GPT: variants seen among roughly 807,000 people sequenced by gnomAD.
GPT encodes glutamic--pyruvic transaminase.
Under a neutral mutation model 51.4 loss-of-function variants are expected in GPT, and 60 were observed. That is an observed-to-expected ratio of 1.17 (90% CI 0.95 to 1.45). The LOEUF is 1.45. GPT is among the 40% of genes most tolerant of loss of function. The pLI is 0.00. For missense variants in GPT, 853 were observed against 704.0 expected (o/e 1.21, Z -2.40); for synonymous variants, 397 against 303.1 (o/e 1.31, Z -3.22).
In GPT at chr8:144,506,870, C is replaced by T. The variant is rs759784022; in HGVS notation, c.1400+27C>T. The T allele has an allele frequency of 1.8e-5, 29 of 1,611,806 alleles. 2 individuals carry two copies. The South Asian group carries it at 2.9e-4, about 16-fold the overall frequency. On this transcript the variant is annotated intron_variant, in intron 10 of 10. Transcript: ENST00000394955. The surrounding 1 kb of genome is among the most constrained non-coding windows in gnomAD (Gnocchi z 7.0). ...TGAGGCCTGGCCCTCACTCCCTGTC[C>T]CGCCACCCTGGCCCTTCACTCACTG...
At chr8:144,503,545 C>G (rs1826638221), upstream of GPT, among the ~76,000 whole-genome samples, 1 of 152,104 alleles carries the variant, frequency 6.6e-6, no homozygotes. Context: ...AGCCCCCTCC[C>G]CCAGCCCCTC....
In GPT at chr8:144,506,888, A is replaced by C; in HGVS notation, c.1401-22A>C. 1 of 1,612,166 alleles carries C rather than the reference A, an allele frequency of 6.2e-7. No homozygotes were observed. Among genetic ancestry groups the C allele is most frequent in the Non-Finnish European group, 8.5e-7 (1 of 1,179,354 alleles). ...CCCTGTCCCGCCACCCTGGCCCTTC[A>C]CTCACTGTCAACTCCTTTCAGGATG... On this transcript the variant is annotated intron_variant, in intron 10 of 10. Transcript: ENST00000394955. The surrounding 1 kb of genome is among the most constrained non-coding windows in gnomAD (Gnocchi z 7.0).
rs1404091995 is a variant in GPT, at chr8:144,505,035, G to A, written c.399G>A (p.Arg133=). The A allele has an allele frequency of 1.2e-6, 2 of 1,613,164 alleles. No homozygotes were observed. The highest frequency in any genetic ancestry group is 1.7e-6 in the Non-Finnish European group (2 of 1,180,004). The change falls in exon 4 of 11, where the codon CGG becomes CGA. Residue 133 remains arginine, a synonymous_variant. Transcript: ENST00000394955. ...YSVSSGIQLI[R]EDVARYIERR... is the part of the protein sequence containing the mutation. ...TCAGCTCCGGCATCCAGCTGATCCG[G>A]GAGGACGTGGCGCGGTACATTGAGA...
Position 144,506,696 on chromosome 8 carries a change from C to A in GPT, c.1288-35C>A. On this transcript the variant is annotated intron_variant, in intron 9 of 10. Coordinates refer to ENST00000394955, the MANE Select transcript of GPT (RefSeq NM_005309.3). This position sits in a 1 kb window ranked among gnomAD's most constrained non-coding sequence, Gnocchi z 7.0. ...GGGCCTGCGGGGTGGGCAGGGGGGG[C>A]CGGGCATCCCTCTCTGACGGCTCTC... 3.1e-6 allele frequency: 5 copies of A among 1,596,964 alleles called. No individual in the cohort carries two copies. Among genetic ancestry groups the A allele is most frequent in the East Asian group, 2.3e-5 (1 of 44,372 alleles).
Position 144,506,000 on chromosome 8 carries a change from C to G in GPT, c.825C>G (p.Tyr275Ter), listed in dbSNP as rs747681228. ...ERLFLLADEV[Y>*]QDNVYAAGSQ... Reference sequence around the variant, plus strand: ...GACGCCTTGCGCCCTTCCAGGTGTACCAGGACAACGTGTACGCCGCGGGTT... The same window carrying G: ...GACGCCTTGCGCCCTTCCAGGTGTAGCAGGACAACGTGTACGCCGCGGGTT... Residue 275 changes from tyrosine (Y) to a stop codon, truncating the protein, a stop_gained, in exon 7 of 11, where the codon TAC becomes TAG. Transcript: ENST00000394955. LOFTEE classifies it high-confidence loss of function. 3 of 1,612,374 alleles carry G rather than the reference C, an allele frequency of 1.9e-6. No individual in the cohort carries two copies. The highest frequency in any genetic ancestry group is 2.5e-6 in the Non-Finnish European group (3 of 1,179,680).
At chr8:144,503,434 G>T (rs1222655295), upstream of GPT, among the ~76,000 whole-genome samples, 2 of 152,134 alleles carry the variant, frequency 1.3e-5, no homozygotes, top group African/African-American at 4.8e-5. Flanking sequence ...CTAGCCTCGG[G>T]TGTGTCCCAA....
upstream of GPT, chr8:144,503,925 G>C: frequency 3.3e-6 from 1 of 304,426 alleles, no homozygotes; most frequent in Non-Finnish European, 6.4e-6. Flanking sequence ...CCCATGTCTA[G>C]TCCCTCAGAG....
At chr8:144,505,704 G>A in intron 5 of GPT, 144 bp from the exon 6 acceptor site, 2 of 503,924 alleles carry the variant, frequency 4.0e-6, no homozygotes, top group Admixed American at 3.5e-5. Flanking sequence ...CCCACGGTGC[G>A]TTCCCCGCCG....
rs2130612227 is a variant in GPT, at chr8:144,504,415, G to A, written c.111G>A (p.Val37=). The A allele has an allele frequency of 6.2e-7, 1 of 1,611,564 alleles. No homozygotes were observed. Among genetic ancestry groups the A allele is most frequent in the Non-Finnish European group, 8.5e-7 (1 of 1,179,942 alleles). ...NPRVRRVEYA[V]RGPIVQRALE... ...GTGTGCGGAGAGTGGAGTACGCAGT[G>A]CGTGGCCCCATAGTGCAGCGAGCCT... Residue 37 remains valine (V), a synonymous_variant, in exon 1 of 11, where the codon GTG becomes GTA. Transcript: ENST00000394955.
intron 2 of GPT, 33 bp from the exon 3 acceptor site, chr8:144,504,738 A>G: frequency 7.5e-7 from 1 of 1,337,532 alleles, no homozygotes; most frequent in Non-Finnish European, 1.0e-6. Context: ...CCCCCAGCCC[A>G]TGTGCCCTGG....
At position 144,506,235 on chromosome 8, in the gene GPT, C is replaced by A. The variant is rs749959135; in HGVS notation, c.960C>A (p.Cys320Ter). ...HSTSKGYMGE[C>*]GFRGGYVEVV... Reference sequence around the variant, plus strand: ...CACCTGACCTGGCCGTGCGCAGGTGCGGGTTCCGCGGCGGCTATGTGGAGG... The same window carrying A: ...CACCTGACCTGGCCGTGCGCAGGTGAGGGTTCCGCGGCGGCTATGTGGAGG... Residue 320 changes from cysteine (C) to a stop codon, truncating the protein, a stop_gained, in exon 8 of 11, where the codon TGC becomes TGA. Transcript: ENST00000394955. LOFTEE classifies it high-confidence loss of function. This position sits in a 1 kb window ranked among gnomAD's most constrained non-coding sequence, Gnocchi z 7.0. 4 of 1,606,508 alleles carry A rather than the reference C, an allele frequency of 2.5e-6. No homozygotes were observed. The highest frequency in any genetic ancestry group is 3.4e-6 in the Non-Finnish European group (4 of 1,178,618).
Position 144,505,002 on chromosome 8 carries a change from C to G in GPT, c.366C>G (p.Ala122=). 6.2e-7 allele frequency: 1 copy of G among 1,613,070 alleles called. No homozygotes were observed. Among genetic ancestry groups the G allele is most frequent in the Non-Finnish European group, 8.5e-7 (1 of 1,179,986 alleles). The change falls in exon 4 of 11, where the codon GCC becomes GCG. Residue 122 remains alanine (A), a synonymous_variant. Transcript: ENST00000394955. ...TCCTGTCCTGCCCGAGTCCAGGGGC[C>G]TACAGCGTCAGCTCCGGCATCCAGC... ...LQACGGHSLG[A]YSVSSGIQLI... is the part of the protein sequence containing the mutation.
chr8:144,505,924 C>T lies in GPT; in HGVS notation c.816C>T (p.Asp272=). Residue 272 remains aspartate (D), a synonymous_variant, in exon 6 of 11, where the codon GAC becomes GAT. Transcript: ENST00000394955. Reference sequence around the variant, plus strand: ...AAGAGCGGCTCTTTCTGCTGGCGGACGAGGTGCGCGGCGCGGGGGAGCGGG... The same window carrying T: ...AAGAGCGGCTCTTTCTGCTGGCGGATGAGGTGCGCGGCGCGGGGGAGCGGG... ...AFEERLFLLA[D]EVYQDNVYAA... is the part of the protein sequence containing the mutation. 1 of 1,608,088 alleles carries T rather than the reference C, an allele frequency of 6.2e-7. No individual in the cohort carries two copies. Among genetic ancestry groups the T allele is most frequent in the Non-Finnish European group, 8.5e-7 (1 of 1,178,064 alleles).
In GPT at chr8:144,506,394, G is replaced by T; in HGVS notation, c.1119G>T (p.Ala373=). The T allele has an allele frequency of 1.3e-6, 2 of 1,558,846 alleles. No individual in the cohort carries two copies. Among genetic ancestry groups the T allele is most frequent in the South Asian group, 1.2e-5 (1 of 85,450 alleles). Reference sequence around the variant, plus strand: ...CCGCGCCCACCGACCCCTCCTTTGCGCAGTTCCAGGCTGTGAGTTGGGGGC... The same window carrying T: ...CCGCGCCCACCGACCCCTCCTTTGCTCAGTTCCAGGCTGTGAGTTGGGGGC... The part of the protein sequence containing the change: ...SPPAPTDPSF[A]QFQAEKQAVL... Residue 373 remains alanine (A), a synonymous_variant, in exon 8 of 11, where the codon GCG becomes GCT. Transcript: ENST00000394955. The surrounding 1 kb of genome is among the most constrained non-coding windows in gnomAD (Gnocchi z 7.0).
rs768299034 is a variant in GPT, at chr8:144,506,637, G to C, written c.1268G>C (p.Arg423Pro). The stretch of plus-strand genomic sequence containing the variant: ...TTCCCGCGCGTGCAGCTGCCCCCGC[G>C]GGCGGTGGAGCGCGCTCAGGTCAGG... The part of the protein sequence containing the change: ...YSFPRVQLPP[R>P]AVERAQELGL... The change falls in exon 9 of 11, where the codon CGG (arginine) becomes CCG (proline). Residue 423 changes from arginine (R) to proline (P), a missense_variant. Physicochemically the swap from Arg to Pro is moderately radical, Grantham distance 103. Transcript: ENST00000394955. The surrounding 1 kb of genome is among the most constrained non-coding windows in gnomAD (Gnocchi z 7.0). The C allele has an allele frequency of 4.5e-6, 7 of 1,558,850 alleles. No homozygotes were observed. The Admixed American group carries it at 7.7e-5, about 17-fold the overall frequency.
In GPT at chr8:144,504,802, T is replaced by G. The variant is rs773420066; in HGVS notation, c.284T>G (p.Leu95Arg). The G allele has an allele frequency of 1.2e-6, 2 of 1,613,532 alleles. No individual in the cohort carries two copies. Among genetic ancestry groups the G allele is most frequent in the East Asian group, 2.2e-5 (1 of 44,906 alleles). Reference protein sequence around the residue: ...VLALCVNPDLLSSPNFPDDAK... With the variant: ...VLALCVNPDLRSSPNFPDDAK... ...GCCCTCTGTGTTAACCCTGATCTTC[T>G]GAGCAGCCCCAACTTCCCTGACGAT... is the stretch of plus-strand genomic sequence containing the variant. Residue 95 changes from leucine to arginine, a missense_variant, in exon 3 of 11, where the codon CTG becomes CGG. Coordinates refer to ENST00000394955, the MANE Select transcript of GPT (RefSeq NM_005309.3).
rs1826697917 is a variant in GPT, at chr8:144,504,705, G to A, written c.252+12G>A. The A allele has an allele frequency of 6.2e-7, 1 of 1,612,916 alleles. No homozygotes were observed. Among genetic ancestry groups the A allele is most frequent in the African/African-American group, 1.3e-5 (1 of 74,924 alleles). The stretch of plus-strand genomic sequence containing the variant: ...CCTTCCTGCGCCAGGTGAGGCTCCT[G>A]CACTGCCCGGAGCACCCCCCCACCC... On this transcript the variant is annotated intron_variant, in intron 2 of 10. Coordinates refer to ENST00000394955, the MANE Select transcript of GPT (RefSeq NM_005309.3).
chr8:144,504,492 C>G, intron 1 of GPT, 26 bp downstream of exon 1: 1 of 1,607,866 alleles, frequency 6.2e-7, no homozygotes. Context: ...CCTCGCTGCC[C>G]TCCAGGTCAC....
At chr8:144,505,711 G>GCCGCC (rs1185790502) in intron 5 of GPT, 137 bp from the exon 6 acceptor site, 1 of 306,070 alleles carries the variant, frequency 3.3e-6, no homozygotes, top group African/African-American at 2.9e-5. Context: ...TGCGTTCCCC[G>GCCGCC]CCGCCCCGCC....
Sources: allele counts gnomAD v4.1 joint callset (sites outside exome capture counted in the v4.1 genomes callset), GRCh38; gene constraint gnomAD v4.1.1; non-coding constraint Gnocchi (gnomAD v3.1); transcripts MANE v1.5; gene names NCBI Gene and HGNC (gene_info 2026-07-23, HGNC 2026-07-21).